WDPCP: variants seen among roughly 807,000 people sequenced by gnomAD.
WDPCP encodes WD repeat-containing and planar cell polarity effector protein fritz homolog.
A neutral mutation model predicts 93.1 loss-of-function variants in WDPCP; 71 were observed. The observed-to-expected ratio is 0.76, with a 90% CI of 0.63 to 0.93. WDPCP has a LOEUF of 0.93. WDPCP is among the 40% of genes least tolerant of loss of function. The pLI is 0.00. For synonymous variants in WDPCP, 315 were observed against 315.0 expected (o/e 1.00, Z 0.00); for missense variants, 844 against 887.4 (o/e 0.95, Z 0.62).
At chr2:63,277,372 A>G (rs1026685887) in intron 13 of WDPCP, among the ~76,000 whole-genome samples, 3 of 152,240 alleles carry the variant, frequency 2.0e-5, no homozygotes, top group Non-Finnish European at 4.4e-5. Flanking sequence ...GGCAACAAAC[A>G]GCATGATGAA....
At chr2:63,161,096 A>G (rs1559164695) in intron 15 of WDPCP, among the ~76,000 whole-genome samples, 1 of 152,218 alleles carries the variant, frequency 6.6e-6, no homozygotes, top group Non-Finnish European at 1.5e-5. Context: ...ACGTTGAACC[A>G]TAGTTAATAG....
At chr2:63,134,848 C>T (rs1477057173) in intron 17 of WDPCP, among the ~76,000 whole-genome samples, 4 of 152,116 alleles carry the variant, frequency 2.6e-5, no homozygotes, top group African/African-American at 4.8e-5. Context: ...GATTGGGGGG[C>T]GCTGTGGCTC....
chr2:63,200,085 T>C (rs992826595), intron 14 of WDPCP, among the ~76,000 whole-genome samples: 2 of 152,226 alleles, frequency 1.3e-5, no homozygotes, highest in Non-Finnish European at 1.5e-5. Flanking sequence ...CCCTTTGTTT[T>C]GGCTGATTTA....
At chr2:63,153,151 C>T (rs1360427362) in intron 16 of WDPCP, 1 of 597,882 alleles carries the variant, frequency 1.7e-6, no homozygotes, top group Non-Finnish European at 3.0e-6. Flanking sequence ...CCTTGCATTA[C>T]AGTATTTACT....
intron 14 of WDPCP, among the ~76,000 whole-genome samples, chr2:63,224,373 A>G (rs1678095624): frequency 6.6e-6 from 1 of 151,956 alleles, no homozygotes; most frequent in African/African-American, 2.4e-5. Context: ...GTATGACCCA[A>G]TGCTTGCACT....
chr2:63,266,578 C>T (rs188233865), intron 13 of WDPCP, among the ~76,000 whole-genome samples: 43 of 152,200 alleles, frequency 2.8e-4, no homozygotes, highest in African/African-American at 6.5e-4. Flanking sequence ...GACGCTGAGG[C>T]GGGTGGATCA....
chr2:63,638,978 G>C (rs1299117220), intron 3 of WDPCP, among the ~76,000 whole-genome samples: 1 of 152,068 alleles, frequency 6.6e-6, no homozygotes, highest in Non-Finnish European at 1.5e-5. Flanking sequence ...AATAATAAGG[G>C]AATATTAAGA....
intron 9 of WDPCP, among the ~76,000 whole-genome samples, chr2:63,413,621 T>C (rs1242672671): frequency 6.6e-6 from 1 of 151,688 alleles, no homozygotes; most frequent in Non-Finnish European, 1.5e-5. Context: ...CATGGTGAAA[T>C]CCCATCTCTA....
At chr2:63,250,032 A>G (rs936242344) in intron 14 of WDPCP, among the ~76,000 whole-genome samples, 2 of 152,152 alleles carry the variant, frequency 1.3e-5, no homozygotes, top group Non-Finnish European at 2.9e-5. Flanking sequence ...TCCGCATATG[A>G]TATATATCCT....
intron 2 of WDPCP, among the ~76,000 whole-genome samples, chr2:63,663,139 T>G (rs1259113887): frequency 1.3e-5 from 2 of 152,242 alleles, no homozygotes; most frequent in East Asian, 3.8e-4. Context: ...ATATAATTTC[T>G]GTAGATTAGA....
intron 2 of WDPCP, among the ~76,000 whole-genome samples, chr2:63,659,441 G>C (rs1038603634): frequency 2.0e-5 from 3 of 152,142 alleles, no homozygotes; most frequent in African/African-American, 7.2e-5. Flanking sequence ...GTGGGCAATT[G>C]CGTGTATCCT....
chr2:63,745,696 T>C (rs529473209), intron 2 of WDPCP, among the ~76,000 whole-genome samples: 1 of 152,168 alleles, frequency 6.6e-6, no homozygotes, highest in East Asian at 1.9e-4. Flanking sequence ...TTGCTCCCTT[T>C]CTCTGGAGAA....
chr2:63,706,921 A>C (rs1331548241), intron 2 of WDPCP, among the ~76,000 whole-genome samples: 1 of 151,928 alleles, frequency 6.6e-6, no homozygotes, highest in Non-Finnish European at 1.5e-5. Context: ...CGGCCTTGAA[A>C]ATTCTTTTCT....
upstream of WDPCP, among the ~76,000 whole-genome samples, chr2:63,828,165 C>CT (rs765669536): frequency 2.1e-3 from 311 of 144,906 alleles, 2 homozygotes; most frequent in Non-Finnish European, 2.3e-3. Flanking sequence ...TGTGGATTTA[C>CT]TTTTTTTTTT....
chr2:63,591,920 AT>A (rs1709208295), upstream of WDPCP, among the ~76,000 whole-genome samples: 1 of 152,182 alleles, frequency 6.6e-6, no homozygotes, highest in South Asian at 2.1e-4. Flanking sequence ...TATTATCTCC[AT>A]TTTACTATGG....
At chr2:63,737,162 T>C (rs993345960) in intron 2 of WDPCP, among the ~76,000 whole-genome samples, 1 of 152,134 alleles carries the variant, frequency 6.6e-6, no homozygotes, top group African/African-American at 2.4e-5. Flanking sequence ...TGGCAATCCT[T>C]CAAGCCATGT....
rs369185983 is a variant in WDPCP, at chr2:63,396,374, C to A, written c.1435+7674G>T. ...AGACAGACAGACATACACACACATA[C>A]ACACGTTGCCTGTGATTTTAAAAAT... On this transcript the variant is annotated intron_variant, in intron 10 of 17. Transcript: ENST00000272321. 9.8e-5 allele frequency among the ~76,000 whole-genome samples: 15 copies of A among 152,322 alleles called. No individual in the cohort carries two copies. In the East Asian group the frequency reaches 2.3e-3, roughly 23 times the overall value.
chr2:63,650,011 T>C (rs1310107147), intron 3 of WDPCP, among the ~76,000 whole-genome samples: 1 of 152,196 alleles, frequency 6.6e-6, no homozygotes, highest in African/African-American at 2.4e-5. Flanking sequence ...CCAGTTGATG[T>C]GTTACAGAGA....
At chr2:63,480,686 T>C (rs1312534544) in intron 6 of WDPCP, among the ~76,000 whole-genome samples, 5 of 152,082 alleles carry the variant, frequency 3.3e-5, no homozygotes, top group African/African-American at 1.2e-4. Context: ...AAGCCACATG[T>C]AGAAGAATGA....
Sources: allele counts gnomAD v4.1 joint callset (sites outside exome capture counted in the v4.1 genomes callset), GRCh38; gene constraint gnomAD v4.1.1; transcripts MANE v1.5; gene names NCBI Gene and HGNC (gene_info 2026-07-23, HGNC 2026-07-21).